SLC14A2: variants seen among roughly 807,000 people sequenced by gnomAD.
SLC14A2 encodes solute carrier family 14 member 2, also known as urea transporter 2.
SLC14A2 carries 91 observed loss-of-function variants against 104.6 expected under a neutral mutation model. The ratio of observed to expected loss-of-function variants is 0.87; its 90% CI spans 0.73 to 1.04. The LOEUF is 1.04. SLC14A2 is among the 50% of genes least tolerant of loss of function. The pLI is 0.00. For synonymous variants in SLC14A2, 476 were observed against 466.4 expected (o/e 1.02, Z -0.27); for missense variants, 1,189 against 1,156.0 (o/e 1.03, Z -0.41).
chr18:45,346,067 A>G (rs2085444681), intron 1 of SLC14A2, among the ~76,000 whole-genome samples: 1 of 152,232 alleles, frequency 6.6e-6, no homozygotes, highest in African/African-American at 2.4e-5. Flanking sequence ...TAACAAAAGG[A>G]TGAACTTCTA....
intron 1 of SLC14A2, among the ~76,000 whole-genome samples, chr18:45,287,142 G>A (rs906457445): frequency 6.6e-6 from 1 of 152,182 alleles, no homozygotes; most frequent in African/African-American, 2.4e-5. Context: ...AATAGCCTCT[G>A]GAAGGTGTTG....
At chr18:45,496,638 C>T (rs1285324073) in intron 2 of SLC14A2, among the ~76,000 whole-genome samples, 1 of 152,172 alleles carries the variant, frequency 6.6e-6, no homozygotes, top group Non-Finnish European at 1.5e-5. Context: ...CAAAAATTAG[C>T]CAGGCATGGT....
chr18:45,662,303 GA>G (rs1009234319), intron 10 of SLC14A2, among the ~76,000 whole-genome samples: 8 of 149,252 alleles, frequency 5.4e-5, no homozygotes, highest in Admixed American at 3.3e-4. Context: ...CTCCGTCTTA[GA>G]AAAAAAAAAG....
intron 1 of SLC14A2, among the ~76,000 whole-genome samples, chr18:45,320,508 A>G (rs1468201837): frequency 6.6e-6 from 1 of 152,098 alleles, no homozygotes; most frequent in African/African-American, 2.4e-5. Context: ...TTTTGGCAAG[A>G]ACGTCTTCTT....
chr18:45,632,916 A>T (rs2144529186), intron 5 of SLC14A2, among the ~76,000 whole-genome samples: 1 of 152,306 alleles, frequency 6.6e-6, no homozygotes, highest in Admixed American at 6.5e-5. Context: ...TGACCTCGTG[A>T]TCCACCTGCC....
chr18:45,586,207 G>A (rs2044565021), intron 2 of SLC14A2, among the ~76,000 whole-genome samples: 1 of 152,224 alleles, frequency 6.6e-6, no homozygotes. Context: ...CACTCTAGGT[G>A]AGGTGGTCAC....
At chr18:45,648,953 C>T (rs753558055) in intron 10 of SLC14A2, among the ~76,000 whole-genome samples, 9 of 152,048 alleles carry the variant, frequency 5.9e-5, no homozygotes, top group Non-Finnish European at 1.0e-4. Flanking sequence ...TCGTCTCTCA[C>T]GAGGTCAGGA....
chr18:45,460,587 A>G (rs527612054), intron 1 of SLC14A2, among the ~76,000 whole-genome samples: 1 of 152,358 alleles, frequency 6.6e-6, no homozygotes, highest in African/African-American at 2.4e-5. Context: ...CTACCCAACA[A>G]CAAATGCTAC....
chr18:45,670,187 GC>G (rs67676921), intron 16 of SLC14A2, among the ~76,000 whole-genome samples: 50,671 of 151,836 alleles, frequency 0.33, 9,560 homozygotes, highest in Middle Eastern at 0.47. Context: ...TAAACTCAGG[GC>G]TTTTTCTACT....
At chr18:45,566,515 G>GCA (rs66828313) in intron 2 of SLC14A2, among the ~76,000 whole-genome samples, 5,194 of 150,026 alleles carry the variant, frequency 0.035, 234 homozygotes, top group African/African-American at 0.11. Flanking sequence ...GCTCACGCTC[G>GCA]CACACACACA....
intron 1 of SLC14A2, among the ~76,000 whole-genome samples, chr18:45,479,779 C>G (rs191367942): frequency 2.6e-5 from 4 of 152,262 alleles, no homozygotes; most frequent in Admixed American, 2.6e-4. Context: ...GCTGTTCTCC[C>G]CCTGTTTTGG....
At chr18:45,554,566 C>T (rs2144292869) in intron 2 of SLC14A2, among the ~76,000 whole-genome samples, 1 of 152,200 alleles carries the variant, frequency 6.6e-6, no homozygotes, top group African/African-American at 2.4e-5. Context: ...AGCACAATTA[C>T]TGTCTGCGCA....
chr18:45,417,422 C>T lies in SLC14A2; in HGVS notation c.-124-65811C>T, dbSNP rs184361634. 1.7e-3 allele frequency among the ~76,000 whole-genome samples: 252 copies of T among 152,346 alleles called. 1 individual carries two copies. Among genetic ancestry groups the T allele is most frequent in the African/African-American group, 5.9e-3 (247 of 41,584 alleles). ...GAGATTTAATTGACTCACAGTTCTG[C>T]ATGGCTTAGGAAGCCTCAGGAAACT... On this transcript the variant is annotated intron_variant, in intron 1 of 20. Transcript: ENST00000586448.
rs76604046 is a variant in SLC14A2, at chr18:45,549,560, C to T, written c.-35+66238C>T. Among the ~76,000 whole-genome samples the T allele has an allele frequency of 5.7e-4, 87 of 152,280 alleles. 2 individuals are homozygous for T. In the East Asian group the frequency reaches 0.015, roughly 26 times the overall value. ...CTACCTCACCGCTTTCCACCTCTGCCCCAGTGGAGTGCAGGTAATTTATTA... is the reference window on the plus strand; with the variant it reads ...CTACCTCACCGCTTTCCACCTCTGCTCCAGTGGAGTGCAGGTAATTTATTA... On this transcript the variant is annotated intron_variant, in intron 2 of 20. Transcript: ENST00000586448.
chr18:45,595,406 G>GT (rs34560576), intron 2 of SLC14A2, among the ~76,000 whole-genome samples: 161 of 143,562 alleles, frequency 1.1e-3, no homozygotes, highest in Middle Eastern at 3.6e-3. Context: ...ATTTTGCTGG[G>GT]TTTTTTTTTT....
At chr18:45,269,571 G>A (rs1326961941) in intron 1 of SLC14A2, among the ~76,000 whole-genome samples, 1 of 151,204 alleles carries the variant, frequency 6.6e-6, no homozygotes, top group East Asian at 2.0e-4. Flanking sequence ...TTTGACTGAT[G>A]ATGAAATAGA....
At chr18:45,218,265 T>C (rs938776437) in intron 1 of SLC14A2, among the ~76,000 whole-genome samples, 2 of 152,220 alleles carry the variant, frequency 1.3e-5, no homozygotes, top group Non-Finnish European at 1.5e-5. Context: ...TCACAAAATA[T>C]TTGTTCTTTT....
intron 2 of SLC14A2, among the ~76,000 whole-genome samples, chr18:45,533,112 G>A (rs1360382633): frequency 2.0e-4 from 31 of 152,292 alleles, no homozygotes; most frequent in Admixed American, 1.9e-3. Flanking sequence ...GTATTTTATT[G>A]AGGATTTTTG....
At position 45,632,241 on chromosome 18, in the gene SLC14A2, T is replaced by C. The variant is rs1256213588; in HGVS notation, c.522-109T>C. ...GAGCGAACTGACTTTTTTCTAAGCA[T>C]TATTATTAAAGGAATCATCTAAATT... On this transcript the variant is annotated intron_variant, in intron 4 of 19. Transcript: ENST00000255226. 1.2e-5 allele frequency: 17 copies of C among 1,406,312 alleles called. 1 individual carries two copies. The highest frequency in any genetic ancestry group is 2.4e-5 in the East Asian group (1 of 42,358). 87.1% of individuals were successfully genotyped at this position (1,406,312 alleles called of 1,614,324 possible).
Sources: gnomAD v4.1 joint callset for allele counts (sites outside exome capture counted in the v4.1 genomes callset) on GRCh38, gnomAD v4.1.1 for gene constraint, MANE v1.5 for transcripts, NCBI Gene and HGNC (gene_info 2026-07-23, HGNC 2026-07-21) for gene names.